HIPK2: variants seen among roughly 807,000 people sequenced by gnomAD.
The protein encoded by HIPK2 is homeodomain-interacting protein kinase 2.
HIPK2 carries 27 observed loss-of-function variants against 113.7 expected under a neutral mutation model. That is an observed-to-expected ratio of 0.24 (90% CI 0.17 to 0.33). The LOEUF is 0.33. Ranked by LOEUF, HIPK2 falls within the 10% of genes least tolerant of loss-of-function variation. The probability of loss-of-function intolerance (pLI) is 1.00; values close to 1 mark genes in which losing one functional copy is unlikely to be tolerated. For synonymous variants in HIPK2, 631 were observed against 642.2 expected, an observed-to-expected ratio of 0.98 and a Z score of 0.26; for missense variants, 1,257 against 1,588.0, an observed-to-expected ratio of 0.79 and a Z score of 3.54.
chr7:139,756,215 T>C (rs1796360498), intron 1 of HIPK2, among the ~76,000 whole-genome samples: 1 of 152,238 alleles, frequency 6.6e-6, no homozygotes, highest in Admixed American at 6.5e-5. Flanking sequence ...AATCCTTGGA[T>C]AGTGTCCAAA....
Position 139,754,949 on chromosome 7 carries a change from C to T in HIPK2, c.19+22656G>A, listed in dbSNP as rs146406509. 3.3e-5 allele frequency among the ~76,000 whole-genome samples: 5 copies of T among 152,276 alleles called. No homozygotes were observed. In the East Asian group the frequency reaches 9.6e-4, roughly 29 times the overall value. ...ATGGTTCATACGGATGATACCACCACGGCACAGAGATCTCCATAAGTACTT... is the reference window on the plus strand; with the variant it reads ...ATGGTTCATACGGATGATACCACCATGGCACAGAGATCTCCATAAGTACTT... On this transcript the variant is annotated intron_variant, in intron 1 of 14. Coordinates refer to ENST00000406875, the MANE Select transcript of HIPK2 (RefSeq NM_022740.5).
At chr7:139,693,112 A>G (rs1445048260) in intron 2 of HIPK2, among the ~76,000 whole-genome samples, 3 of 152,248 alleles carry the variant, frequency 2.0e-5, no homozygotes, top group Non-Finnish European at 4.4e-5. Context: ...GGAGGCAGAA[A>G]GACTCCAAAG....
chr7:139,742,748 A>G (rs535126921), intron 1 of HIPK2, among the ~76,000 whole-genome samples: 27 of 152,364 alleles, frequency 1.8e-4, no homozygotes, highest in Middle Eastern at 3.4e-3. Flanking sequence ...AAGGAGCATG[A>G]AGACTCATCA....
chr7:139,708,013 A>C (rs1430117343), intron 2 of HIPK2, among the ~76,000 whole-genome samples: 1 of 151,994 alleles, frequency 6.6e-6, no homozygotes, highest in Non-Finnish European at 1.5e-5. Flanking sequence ...CTGGGGCATA[A>C]AGGGTCTGAC....
At position 139,614,426 on chromosome 7, in the gene HIPK2, G is replaced by A; in HGVS notation, c.1850C>T (p.Ser617Phe). 6.4e-7 allele frequency: 1 copy of A among 1,554,870 alleles called. No individual in the cohort carries two copies. Among genetic ancestry groups the A allele is most frequent in the Non-Finnish European group, 8.7e-7 (1 of 1,144,740 alleles). ...NPEVSILNYP[S>F]TLYQPSAASM... ...TGCCGCTGAGGGCTGGTAGAGTGTA[G>A]ATGGGTAGTTTAGTATGGAGACTTC... The change falls in exon 8 of 15, where the codon TCT (serine) becomes TTT (phenylalanine). Residue 617 changes from serine to phenylalanine, a missense_variant. Coordinates refer to ENST00000406875, the MANE Select transcript of HIPK2 (RefSeq NM_022740.5).
chr7:139,695,586 C>A (rs1317783073), intron 2 of HIPK2, among the ~76,000 whole-genome samples: 1 of 152,134 alleles, frequency 6.6e-6, no homozygotes, highest in South Asian at 2.1e-4. Context: ...AGAATCAGAA[C>A]AAATCAGAAC....
At chr7:139,617,578 A>G (rs1800100815) in intron 7 of HIPK2, among the ~76,000 whole-genome samples, 1 of 152,232 alleles carries the variant, frequency 6.6e-6, no homozygotes, top group Non-Finnish European at 1.5e-5. Flanking sequence ...TAAACAAGGA[A>G]TAGCTGAGAG....
chr7:139,764,363 A>C (rs1181522051), intron 1 of HIPK2, among the ~76,000 whole-genome samples: 1 of 152,224 alleles, frequency 6.6e-6, no homozygotes, highest in Non-Finnish European at 1.5e-5. Flanking sequence ...GCGACTTTAG[A>C]GAACACAGCT....
At chr7:139,635,078 G>A (rs1208087470) in intron 2 of HIPK2, among the ~76,000 whole-genome samples, 1 of 152,200 alleles carries the variant, frequency 6.6e-6, no homozygotes, top group Non-Finnish European at 1.5e-5. Flanking sequence ...GTCAGGGGTG[G>A]CCTCCTGCCT....
chr7:139,738,377 T>C (rs1796000076), intron 1 of HIPK2, among the ~76,000 whole-genome samples: 1 of 152,266 alleles, frequency 6.6e-6, no homozygotes, highest in Admixed American at 6.5e-5. Flanking sequence ...GTAGTCTCTA[T>C]TGTCTGATGC....
At chr7:139,659,509 TAGAG>T (rs1369522599) in intron 2 of HIPK2, among the ~76,000 whole-genome samples, 1 of 152,208 alleles carries the variant, frequency 6.6e-6, no homozygotes, top group African/African-American at 2.4e-5. Flanking sequence ...TGTGCACGGA[TAGAG>T]AGAGATTCCT....
intron 1 of HIPK2, among the ~76,000 whole-genome samples, chr7:139,754,291 A>AT (rs1413381295): frequency 2.0e-5 from 3 of 152,258 alleles, no homozygotes; most frequent in African/African-American, 7.2e-5. Flanking sequence ...TAGGCGCTCA[A>AT]TTAATGTCAT....
chr7:139,716,939 T>G lies in HIPK2; in HGVS notation c.96A>C (p.Lys32Asn). ...TGTCCCAGTTGGAACTCGGCTCTAT[T>G]TTCAGTTTCTTCACACTACAGAAGG... is the stretch of plus-strand genomic sequence containing the variant. Reference protein sequence around the residue: ...SSAFCSVKKLKIEPSSNWDMT... With the variant: ...SSAFCSVKKLNIEPSSNWDMT... The change falls in exon 2 of 15, where the codon AAA becomes AAC. Residue 32 changes from lysine (K) to asparagine (N), a missense_variant. Around this residue, in one of 5 missense-constraint regions of HIPK2, gnomAD observed 209 missense variants for 237.8 expected, o/e 0.88. Transcript: ENST00000406875. The surrounding 1 kb of genome is among the most constrained non-coding windows in gnomAD (Gnocchi z 9.3). 6.2e-7 allele frequency: 1 copy of G among 1,613,916 alleles called. No homozygotes were observed. Among genetic ancestry groups the G allele is most frequent in the South Asian group, 1.1e-5 (1 of 91,068 alleles).
intron 2 of HIPK2, among the ~76,000 whole-genome samples, chr7:139,636,841 G>C (rs770112473): frequency 6.6e-6 from 1 of 152,146 alleles, no homozygotes; most frequent in Non-Finnish European, 1.5e-5. Flanking sequence ...CTCCATCTTG[G>C]AATTCTCCTT....
intron 12 of HIPK2, among the ~76,000 whole-genome samples, chr7:139,586,356 C>G (rs1798830678): frequency 6.6e-6 from 1 of 152,020 alleles, no homozygotes; most frequent in Admixed American, 6.5e-5. Context: ...ACATGTAAGC[C>G]AATGTTCACT....
At chr7:139,586,579 G>T (rs1798838110) in intron 12 of HIPK2, among the ~76,000 whole-genome samples, 1 of 151,412 alleles carries the variant, frequency 6.6e-6, no homozygotes, top group South Asian at 2.1e-4. Context: ...GACCAGCCTG[G>T]GCAACACAGT....
At chr7:139,628,857 G>T in intron 5 of HIPK2, 96 bp downstream of exon 5, 1 of 1,049,220 alleles carries the variant, frequency 9.5e-7, no homozygotes, top group Non-Finnish European at 1.4e-6. Flanking sequence ...GTTGAATAAT[G>T]TGGATTTCAA....
intron 2 of HIPK2, among the ~76,000 whole-genome samples, chr7:139,694,433 G>C (rs1314323559): frequency 1.3e-5 from 2 of 152,178 alleles, no homozygotes; most frequent in South Asian, 4.1e-4. Flanking sequence ...AGCTCCGACA[G>C]GTGTCTCCTC....
intron 1 of HIPK2, among the ~76,000 whole-genome samples, chr7:139,720,290 T>C (rs773488149): frequency 2.6e-5 from 4 of 152,334 alleles, no homozygotes; most frequent in Non-Finnish European, 4.4e-5. Flanking sequence ...ATATGTACCA[T>C]CTGACTTCAG....
Sources: allele counts gnomAD v4.1 joint callset (sites outside exome capture counted in the v4.1 genomes callset), GRCh38; gene constraint gnomAD v4.1.1; regional missense constraint gnomAD v4.1.1; non-coding constraint Gnocchi (gnomAD v3.1); transcripts MANE v1.5; gene names NCBI Gene and HGNC (gene_info 2026-07-23, HGNC 2026-07-21).